Variants in WDR25 observed in about 807,000 individuals in gnomAD.
WDR25 encodes the protein WD repeat-containing protein 25.
Under a neutral mutation model 47.7 loss-of-function variants are expected in WDR25, and 35 were observed. That is an observed-to-expected ratio of 0.73 (90% confidence interval 0.56 to 0.97). WDR25 has a LOEUF of 0.97. Among genes scored for constraint, WDR25 ranks in the 50% least tolerant of loss-of-function variants. The pLI, the probability that WDR25 is intolerant of heterozygous loss-of-function variation, is 0.00. For missense variants in WDR25, 634 were observed against 704.7 expected (o/e 0.90, Z 1.14); for synonymous variants, 248 against 278.9 (o/e 0.89, Z 1.10).
intron 2 of WDR25, among the ~76,000 whole-genome samples, chr14:100,451,345 G>A (rs187159035): frequency 4.0e-5 from 6 of 151,728 alleles, no homozygotes; most frequent in Non-Finnish European, 8.8e-5. Flanking sequence ...GGGCTCAGGT[G>A]ATCCTCCCAC....
chr14:100,396,016 G>A lies in WDR25; in HGVS notation c.822+14270G>A, dbSNP rs371870343. ...TTTTGAGACGGAGTCTCGCTCTGTCGCCCAGGTTGGAGTGCAGTGGTGCAA... is the reference window on the plus strand; with the variant it reads ...TTTTGAGACGGAGTCTCGCTCTGTCACCCAGGTTGGAGTGCAGTGGTGCAA... On this transcript the variant is annotated intron_variant, in intron 2 of 6. Coordinates refer to ENST00000402312, the MANE Select transcript of WDR25 (RefSeq NM_001161476.3). 4.2e-4 allele frequency among the ~76,000 whole-genome samples: 57 copies of A among 136,400 alleles called. 2 individuals carry two copies. The highest frequency in any genetic ancestry group is 3.8e-3 in the East Asian group (18 of 4,726). 89.5% of individuals were successfully genotyped at this position (136,400 alleles called of 152,430 possible). A position where few individuals can be genotyped will look rare whatever the true frequency, so the allele number is the denominator to read the frequency against.
chr14:100,517,106 G>GT (rs796096587), intron 4 of WDR25, among the ~76,000 whole-genome samples: 3,839 of 65,888 alleles, frequency 0.058, 1,180 homozygotes, highest in African/African-American at 0.16. Flanking sequence ...TATCTCCTCT[G>GT]TTTTTTTTTT....
intron 2 of WDR25, among the ~76,000 whole-genome samples, chr14:100,426,695 C>T (rs773675686): frequency 2.6e-5 from 4 of 152,180 alleles, no homozygotes; most frequent in East Asian, 1.9e-4. Context: ...TCCCAGAGTC[C>T]GGCTATCCAT....
rs1676061292 is a variant in WDR25 at position 100,424,705 on chromosome 14, G to T, written c.822+42959G>T. Among the ~76,000 whole-genome samples, 1 of 152,182 alleles carries T rather than the reference G, an allele frequency of 6.6e-6. No homozygotes were observed. Among genetic ancestry groups the T allele is most frequent in the African/African-American group, 2.4e-5 (1 of 41,434 alleles). ...GGTGTCTTGGTTTCCTAGAATCTTG[G>T]TGCGATTCGGTGGTTAGGCTGATCT... On this transcript the variant is annotated intron_variant, in intron 2 of 6. Transcript: ENST00000402312. The surrounding 1 kb of genome is among the most constrained non-coding windows in gnomAD (Gnocchi z 4.2).
chr14:100,457,942 C>A (rs899896450), intron 2 of WDR25, among the ~76,000 whole-genome samples: 9 of 151,952 alleles, frequency 5.9e-5, no homozygotes, highest in African/African-American at 2.2e-4. Flanking sequence ...ATAAGTCTAA[C>A]AATGGGAGAT....
intron 3 of WDR25, 99 bp from the exon 4 acceptor site, chr14:100,483,895 G>A (rs1900289728): frequency 1.4e-6 from 2 of 1,422,210 alleles, no homozygotes; most frequent in South Asian, 1.5e-5. Flanking sequence ...GGGGAGCTGT[G>A]TTTGCTATGA....
intron 2 of WDR25, among the ~76,000 whole-genome samples, chr14:100,458,827 T>C (rs1899287251): frequency 6.6e-6 from 1 of 152,150 alleles, no homozygotes; most frequent in South Asian, 2.1e-4. Flanking sequence ...ATAGAGACAT[T>C]AGAAAGTATT....
intron 4 of WDR25, among the ~76,000 whole-genome samples, chr14:100,490,677 A>G (rs2076453084): frequency 1.3e-5 from 2 of 152,172 alleles, no homozygotes; most frequent in Admixed American, 1.3e-4. Context: ...TGCCTAGTGA[A>G]AATTCAGAGT....
In WDR25 at chr14:100,529,964, G is replaced by A. The variant is rs768925119; in HGVS notation, c.1558G>A (p.Gly520Ser). The change falls in exon 7 of 7, where the codon GGC becomes AGC. Residue 520 changes from glycine to serine, a missense_variant. Gly to Ser is a moderately conservative substitution (Grantham distance 56, BLOSUM62 0). Coordinates refer to ENST00000402312, the MANE Select transcript of WDR25 (RefSeq NM_001161476.3). This position sits in a 1 kb window ranked among gnomAD's most constrained non-coding sequence, Gnocchi z 5.1. ...TLQGHTQACV[G>S]TTYHPVLPSV... ...GCAGGGGCACACACAGGCCTGTGTCGGCACCACCTATCACCCCGTGCTGCC... is the reference window on the plus strand; with the variant it reads ...GCAGGGGCACACACAGGCCTGTGTCAGCACCACCTATCACCCCGTGCTGCC... The A allele has an allele frequency of 1.1e-5, 18 of 1,613,326 alleles. No individual in the cohort carries two copies. In the Admixed American group the frequency reaches 1.7e-4, roughly 15 times the overall value.
intron 2 of WDR25, among the ~76,000 whole-genome samples, chr14:100,435,263 T>C (rs1898466534): frequency 6.6e-6 from 1 of 152,174 alleles, no homozygotes; most frequent in African/African-American, 2.4e-5. Flanking sequence ...CTGGGGTTCA[T>C]TGCATGCCTG....
rs1450293239 is a variant in WDR25, at chr14:100,488,683, A to G, written c.1101+4559A>G. Reference sequence around the variant, plus strand: ...TGCATTTCTAACAAGCTCCCAGGAAATGAAGGGGAGGATAGTATATGGACC... The same window carrying G: ...TGCATTTCTAACAAGCTCCCAGGAAGTGAAGGGGAGGATAGTATATGGACC... On this transcript the variant is annotated intron_variant, in intron 4 of 6. Transcript: ENST00000402312. The surrounding 1 kb of genome is among the most constrained non-coding windows in gnomAD (Gnocchi z 4.2). 6.6e-6 allele frequency among the ~76,000 whole-genome samples: 1 copy of G among 152,156 alleles called. No homozygotes were observed. The highest frequency in any genetic ancestry group is 1.5e-5 in the Non-Finnish European group (1 of 68,018).
At chr14:100,483,904 G>A (rs1210007296) in intron 3 of WDR25, 90 bp from the exon 4 acceptor site, 33 of 1,459,050 alleles carry the variant, frequency 2.3e-5, no homozygotes, top group African/African-American at 2.9e-5. Context: ...TGTTTGCTAT[G>A]AGCCCCATAC....
At chr14:100,394,498 G>A (rs751098217) in intron 2 of WDR25, among the ~76,000 whole-genome samples, 6 of 152,202 alleles carry the variant, frequency 3.9e-5, no homozygotes, top group Non-Finnish European at 8.8e-5. Context: ...TCTTCATTTG[G>A]TCATCTGTAT....
intron 2 of WDR25, among the ~76,000 whole-genome samples, chr14:100,385,563 A>G (rs35966201): frequency 0.18 from 27,871 of 152,222 alleles, 2,710 homozygotes; most frequent in Non-Finnish European, 0.21. Flanking sequence ...ACTTATTTTA[A>G]TATGTTCTAA....
intron 4 of WDR25, among the ~76,000 whole-genome samples, chr14:100,514,102 A>AT (rs978401188): frequency 6.0e-5 from 9 of 150,574 alleles, no homozygotes; most frequent in African/African-American, 1.2e-4. Context: ...CGCCCGGCTA[A>AT]TTTTTTTGTA....
intron 2 of WDR25, among the ~76,000 whole-genome samples, chr14:100,447,509 C>A (rs1410864445): frequency 6.6e-6 from 1 of 152,042 alleles, no homozygotes; most frequent in Admixed American, 6.5e-5. Flanking sequence ...GACTGGGGAG[C>A]CTGAGGTCAC....
At position 100,449,508 on chromosome 14, in the gene WDR25, G is replaced by T. The variant is rs928409928; in HGVS notation, c.823-18513G>T. On this transcript the variant is annotated intron_variant, in intron 2 of 6. Transcript: ENST00000402312. The surrounding 1 kb of genome is among the most constrained non-coding windows in gnomAD (Gnocchi z 4.2). Reference sequence around the variant, plus strand: ...GGGGTGGGAGAGGCTGTCTCAGCTGGGTCTCTGGAAAAGCTGAGGTCAGGA... The same window carrying T: ...GGGGTGGGAGAGGCTGTCTCAGCTGTGTCTCTGGAAAAGCTGAGGTCAGGA... Among the ~76,000 whole-genome samples, 2 of 152,216 alleles carry T rather than the reference G, an allele frequency of 1.3e-5. No homozygotes were observed. The highest frequency in any genetic ancestry group is 2.9e-5 in the Non-Finnish European group (2 of 68,036).
In WDR25 at chr14:100,484,087, G is replaced by C. The variant is rs1900299406; in HGVS notation, c.1064G>C (p.Ser355Thr). The C allele has an allele frequency of 6.2e-6, 10 of 1,613,746 alleles. No homozygotes were observed. Among genetic ancestry groups the C allele is most frequent in the Non-Finnish European group, 8.5e-6 (10 of 1,179,948 alleles). Residue 355 changes from serine to threonine, a missense_variant, in exon 4 of 7, where the codon AGC becomes ACC. Physicochemically the swap from Ser to Thr is moderately conservative, Grantham distance 58 (BLOSUM62 1). Coordinates refer to ENST00000402312, the MANE Select transcript of WDR25 (RefSeq NM_001161476.3). ...AACATCTTTTTATGTGGAGGCTTCA[G>C]CTCTGAAATGAAAGCTTGGGATATA... ...DHNIFLCGGF[S>T]SEMKAWDIRT...
At chr14:100,426,778 C>A (rs997416058) in intron 2 of WDR25, among the ~76,000 whole-genome samples, 5 of 152,170 alleles carry the variant, frequency 3.3e-5, no homozygotes, top group African/African-American at 7.2e-5. Context: ...AGGTGCCAGG[C>A]ATTGTGCAAG....
Sources: allele counts gnomAD v4.1 joint callset (sites outside exome capture counted in the v4.1 genomes callset), GRCh38; gene constraint gnomAD v4.1.1; non-coding constraint Gnocchi (gnomAD v3.1); transcripts MANE v1.5; gene names NCBI Gene and HGNC (gene_info 2026-07-23, HGNC 2026-07-21).